STOX2: variants seen among roughly 807,000 people sequenced by gnomAD.
STOX2 encodes the protein storkhead-box protein 2.
A neutral mutation model predicts 60.9 loss-of-function variants in STOX2; 28 were observed. The observed-to-expected ratio is 0.46, with a 90% CI of 0.34 to 0.63. The LOEUF is 0.63. STOX2 is among the 30% of genes least tolerant of loss of function. STOX2 has a pLI of 0.01. For missense variants in STOX2, 1,024 were observed against 1,187.7 expected (o/e 0.86, Z 2.03); for synonymous variants, 472 against 463.9 (o/e 1.02, Z -0.22).
intron 1 of STOX2, among the ~76,000 whole-genome samples, chr4:183,912,182 C>G (rs1741799998): frequency 6.6e-6 from 1 of 152,214 alleles, no homozygotes; most frequent in South Asian, 2.1e-4. Flanking sequence ...AAACAGACCT[C>G]TCTTCTGGTT....
At chr4:183,799,057 C>CTGTTACCCGCT (rs897517711) in intron 1 of STOX2, among the ~76,000 whole-genome samples, 2 of 152,202 alleles carry the variant, frequency 1.3e-5, no homozygotes, top group African/African-American at 4.8e-5. Context: ...CGCCTTTTCT[C>CTGTTACCCGCT]GTTACCCGCT....
chr4:183,910,664 A>G (rs975360006), intron 1 of STOX2, among the ~76,000 whole-genome samples: 1 of 152,210 alleles, frequency 6.6e-6, no homozygotes, highest in African/African-American at 2.4e-5. Context: ...CTGCATGAGA[A>G]AGCGAAGTCC....
At chr4:183,981,589 T>G (rs1732660344) in intron 1 of STOX2, among the ~76,000 whole-genome samples, 1 of 152,160 alleles carries the variant, frequency 6.6e-6, no homozygotes, top group Non-Finnish European at 1.5e-5. Context: ...AACAACAAAT[T>G]TAGAATCTGG....
intron 1 of STOX2, among the ~76,000 whole-genome samples, chr4:183,799,575 C>T (rs570384874): frequency 1.6e-4 from 24 of 151,822 alleles, no homozygotes; most frequent in Non-Finnish European, 3.4e-4. Context: ...TTATATTGAA[C>T]CCCCACCGTG....
chr4:183,999,219 G>C (rs529932911), intron 1 of STOX2, among the ~76,000 whole-genome samples: 32 of 152,180 alleles, frequency 2.1e-4, no homozygotes, highest in African/African-American at 7.7e-4. Context: ...CTATCATTCT[G>C]TCATTTTTGA....
chr4:183,961,343 C>T (rs1008414800), intron 1 of STOX2, among the ~76,000 whole-genome samples: 2 of 150,298 alleles, frequency 1.3e-5, no homozygotes, highest in African/African-American at 2.5e-5. Context: ...ACACATCGAA[C>T]GACAAGTGAT....
At chr4:183,860,465 AAAG>A (rs1248177425) in intron 1 of STOX2, among the ~76,000 whole-genome samples, 10 of 147,666 alleles carry the variant, frequency 6.8e-5, no homozygotes, top group Non-Finnish European at 1.2e-4. Context: ...AAAAGAAGAA[AAAG>A]AAGAAAAAAT....
Position 184,010,305 on chromosome 4 carries a change from G to A in STOX2, c.1467G>A (p.Glu489=), listed in dbSNP as rs369432586. 3.9e-5 allele frequency: 62 copies of A among 1,599,958 alleles called. No individual in the cohort carries two copies. The African/African-American group carries it at 6.6e-4, about 17-fold the overall frequency. The part of the protein sequence containing the change: ...SRNERSNKAK[E]RSRSMDNSKG... ...ATGAGAGATCCAACAAAGCCAAGGA[G>A]AGATCCAGGTCGATGGATAACTCCA... is the stretch of plus-strand genomic sequence containing the variant. The change falls in exon 3 of 4, where the codon GAG becomes GAA. Residue 489 remains glutamate, a synonymous_variant. Coordinates refer to ENST00000308497, the MANE Select transcript of STOX2 (RefSeq NM_020225.3). The surrounding 1 kb of genome is among the most constrained non-coding windows in gnomAD (Gnocchi z 4.5).
Position 183,798,080 on chromosome 4 carries a change from T to C in STOX2, c.364+25T>C, listed in dbSNP as rs1738669079. On this transcript the variant is annotated intron_variant, in intron 1 of 2. Coordinates refer to the STOX2 transcript ENST00000513034. ...GGTGAGTGCGACCGCCGCGCGCCCGTCCCGTCCCTTCCCACCGGATCGCGT... is the reference window on the plus strand; with the variant it reads ...GGTGAGTGCGACCGCCGCGCGCCCGCCCCGTCCCTTCCCACCGGATCGCGT... 1.1e-5 allele frequency: 14 copies of C among 1,225,260 alleles called. No homozygotes were observed. The South Asian group carries it at 4.5e-4, about 40-fold the overall frequency. The allele number at this position is 1,225,260 out of a possible 1,614,324, so 75.9% of individuals were successfully genotyped here.
intron 1 of STOX2, among the ~76,000 whole-genome samples, chr4:183,949,543 C>CA (rs1743006691): frequency 6.6e-6 from 1 of 152,002 alleles, no homozygotes; most frequent in Admixed American, 6.6e-5. Context: ...ACTAAAAATA[C>CA]AAAAATTAGC....
In STOX2 at chr4:183,810,768, G is replaced by A. The variant is rs549990524; in HGVS notation, c.364+12713G>A. Among the ~76,000 whole-genome samples the A allele has an allele frequency of 3.3e-3, 499 of 151,432 alleles. 2 individuals carry two copies. Among genetic ancestry groups the A allele is most frequent in the African/African-American group, 0.012 (482 of 41,220 alleles). On this transcript the variant is annotated intron_variant, in intron 1 of 2. Transcript: ENST00000513034. ...GCTTCTCCCATGTTGTGGCACAGCA[G>A]GGGGCCCTCACAAAATTCAGCCCCT...
intron 1 of STOX2, among the ~76,000 whole-genome samples, chr4:183,892,353 A>C (rs1741238519): frequency 6.6e-6 from 1 of 152,150 alleles, no homozygotes; most frequent in Non-Finnish European, 1.5e-5. Flanking sequence ...ATCTCGGCTC[A>C]CTGCAAGCTC....
chr4:184,010,467 G>A lies in STOX2; in HGVS notation c.1629G>A (p.Arg543=), dbSNP rs1734098785. ...CTGCACAGACCGTTAGTCTCCAAAG[G>A]GCTCACATTTCGTCCACAAGCTATA... ...LRPAQTVSLQ[R]AHISSTSYKE... The change falls in exon 3 of 4, where the codon AGG becomes AGA. Residue 543 remains arginine (R), a synonymous_variant. Coordinates refer to ENST00000308497, the MANE Select transcript of STOX2 (RefSeq NM_020225.3). This position sits in a 1 kb window ranked among gnomAD's most constrained non-coding sequence, Gnocchi z 4.5. 6.2e-7 allele frequency: 1 copy of A among 1,613,708 alleles called. No individual in the cohort carries two copies. The highest frequency in any genetic ancestry group is 1.3e-5 in the African/African-American group (1 of 74,908).
chr4:183,822,634 G>A (rs559549241), intron 1 of STOX2, among the ~76,000 whole-genome samples: 1 of 152,322 alleles, frequency 6.6e-6, no homozygotes, highest in East Asian at 1.9e-4. Context: ...GGATCTGACA[G>A]GAGGCGCAGC....
intron 1 of STOX2, among the ~76,000 whole-genome samples, chr4:183,939,014 C>A (rs1170588948): frequency 6.6e-6 from 1 of 152,158 alleles, no homozygotes; most frequent in Non-Finnish European, 1.5e-5. Flanking sequence ...AAAGAGTCAG[C>A]TCCTTGCTAC....
At chr4:183,814,566 T>C (rs536332844) in intron 1 of STOX2, among the ~76,000 whole-genome samples, 7 of 152,280 alleles carry the variant, frequency 4.6e-5, no homozygotes, top group African/African-American at 1.7e-4. Context: ...AAACTGGTAA[T>C]TTGCAAATTT....
intron 1 of STOX2, among the ~76,000 whole-genome samples, chr4:183,985,906 G>A (rs767576957): frequency 5.9e-5 from 9 of 152,292 alleles, no homozygotes; most frequent in Admixed American, 2.6e-4. Flanking sequence ...GACCACGCCC[G>A]ACAGGAATGG....
intron 1 of STOX2, among the ~76,000 whole-genome samples, chr4:183,959,449 G>A (rs1743350985): frequency 6.6e-6 from 1 of 152,082 alleles, no homozygotes; most frequent in African/African-American, 2.4e-5. Context: ...TCTTTCCATG[G>A]TTTTTCCACT....
In STOX2 at chr4:183,922,634, G is replaced by A. The variant is rs1164980752; in HGVS notation, c.166+15678G>A. On this transcript the variant is annotated intron_variant, in intron 1 of 3. Transcript: ENST00000308497. Reference sequence around the variant, plus strand: ...GCTGGGATTACAGATGTGAGCCACCGTGCCTGGCACAAAAGTTACCATCTT... The same window carrying A: ...GCTGGGATTACAGATGTGAGCCACCATGCCTGGCACAAAAGTTACCATCTT... 2.6e-5 allele frequency among the ~76,000 whole-genome samples: 4 copies of A among 152,036 alleles called. No homozygotes were observed. The South Asian group carries it at 6.2e-4, about 24-fold the overall frequency.
Sources: allele counts gnomAD v4.1 joint callset (sites outside exome capture counted in the v4.1 genomes callset), GRCh38; gene constraint gnomAD v4.1.1; non-coding constraint Gnocchi (gnomAD v3.1); transcripts MANE v1.5; gene names NCBI Gene and HGNC (gene_info 2026-07-23, HGNC 2026-07-21).